The following AUTS2 variants were observed in gnomAD, a reference collection of about 807,000 sequenced individuals.
AUTS2 encodes activator of transcription and developmental regulator AUTS2, also known as autism susceptibility gene 2 protein.
A neutral mutation model predicts 112.4 loss-of-function variants in AUTS2; 17 were observed. The ratio of observed to expected loss-of-function variants is 0.15; its 90% CI spans 0.10 to 0.23. The LOEUF (loss-of-function observed/expected upper bound fraction) is 0.23, where lower values mean the gene tolerates loss of function less well. AUTS2 is among the 10% of genes least tolerant of loss of function. The probability of loss-of-function intolerance (pLI) is 1.00; values close to 1 mark genes in which losing one functional copy is unlikely to be tolerated. For missense variants in AUTS2, 1,510 were observed against 1,701.6 expected (o/e 0.89, Z 1.98); for synonymous variants, 751 against 702.7 (o/e 1.07, Z -1.09).
At chr7:70,320,924 A>C (rs1413077961) in intron 4 of AUTS2, among the ~76,000 whole-genome samples, 1 of 152,130 alleles carries the variant, frequency 6.6e-6, no homozygotes, top group Non-Finnish European at 1.5e-5. Context: ...CAGGGATAGG[A>C]TGACAAGGAC....
intron 6 of AUTS2, among the ~76,000 whole-genome samples, chr7:70,733,597 G>GT (rs914823716): frequency 7.6e-6 from 1 of 130,972 alleles, no homozygotes; most frequent in African/African-American, 3.0e-5. Flanking sequence ...AGTTTTTTGG[G>GT]TTTTTTTGAG....
intron 5 of AUTS2, among the ~76,000 whole-genome samples, chr7:70,465,311 T>C (rs766343870): frequency 4.6e-5 from 7 of 152,182 alleles, no homozygotes; most frequent in Non-Finnish European, 7.3e-5. Flanking sequence ...TTCAGGCTGC[T>C]CACAACTGCC....
chr7:70,107,663 G>T (rs1478254045), intron 2 of AUTS2, among the ~76,000 whole-genome samples: 4 of 150,168 alleles, frequency 2.7e-5, no homozygotes, highest in Admixed American at 6.6e-5. Flanking sequence ...TTTATAACAG[G>T]GATATGTTAT....
chr7:70,382,507 T>C (rs942360719), intron 4 of AUTS2, among the ~76,000 whole-genome samples: 4 of 152,176 alleles, frequency 2.6e-5, no homozygotes, highest in African/African-American at 7.2e-5. Context: ...CAGTAAAGAC[T>C]ATTGAAAGCA....
At chr7:70,399,109 C>T (rs913074579) in intron 4 of AUTS2, among the ~76,000 whole-genome samples, 2 of 151,456 alleles carry the variant, frequency 1.3e-5, no homozygotes, top group African/African-American at 4.9e-5. Flanking sequence ...ACCTCAGCCT[C>T]TCAAATAGTT....
intron 4 of AUTS2, among the ~76,000 whole-genome samples, chr7:70,196,023 G>A (rs553719184): frequency 4.9e-4 from 74 of 152,302 alleles, no homozygotes; most frequent in African/African-American, 1.8e-3. Context: ...CAGGTATTGG[G>A]CAGTAATGAA....
chr7:69,756,030 C>G (rs1466573660), intron 1 of AUTS2, among the ~76,000 whole-genome samples: 1 of 152,168 alleles, frequency 6.6e-6, no homozygotes, highest in African/African-American at 2.4e-5. Context: ...GCTTTCTCAC[C>G]AGAGGTCACA....
In AUTS2 at chr7:70,761,126, G is replaced by A. The variant is rs138589830; in HGVS notation, c.743-1744G>A. On this transcript the variant is annotated intron_variant, in intron 6 of 18. Coordinates refer to ENST00000342771, the MANE Select transcript of AUTS2 (RefSeq NM_015570.4). ...TTCCAAGGAATAATGGCAAACAAGT[G>A]TGTATATACAACAGTACGTAAACAG... Among the ~76,000 whole-genome samples, 5 of 152,342 alleles carry A rather than the reference G, an allele frequency of 3.3e-5. No individual in the cohort carries two copies. In the East Asian group the frequency reaches 7.7e-4, roughly 23 times the overall value.
chr7:70,582,108 G>A (rs1412740445), intron 5 of AUTS2, among the ~76,000 whole-genome samples: 1 of 151,212 alleles, frequency 6.6e-6, no homozygotes, highest in African/African-American at 2.4e-5. Flanking sequence ...TGGTAGTAGA[G>A]GTAATGAGTT....
At chr7:70,157,341 T>C (rs1807835772) in intron 4 of AUTS2, among the ~76,000 whole-genome samples, 1 of 152,080 alleles carries the variant, frequency 6.6e-6, no homozygotes, top group African/African-American at 2.4e-5. Context: ...TGCAGTGGTG[T>C]AATCTTGGCT....
chr7:70,010,069 T>A (rs1799725793), intron 2 of AUTS2, among the ~76,000 whole-genome samples: 1 of 152,234 alleles, frequency 6.6e-6, no homozygotes, highest in Non-Finnish European at 1.5e-5. Context: ...TCCCAAGTTA[T>A]ATGATGCTTA....
chr7:70,273,388 A>G (rs928057179), intron 4 of AUTS2, among the ~76,000 whole-genome samples: 38 of 151,898 alleles, frequency 2.5e-4, no homozygotes, highest in African/African-American at 8.2e-4. Context: ...TGGGACCACA[A>G]TAATTTTTTT....
intron 13 of AUTS2, among the ~76,000 whole-genome samples, chr7:70,776,328 G>T (rs1284804534): frequency 6.6e-6 from 1 of 152,134 alleles, no homozygotes; most frequent in East Asian, 1.9e-4. Context: ...GTCCCTGCCC[G>T]CTGACTGGTA....
intron 5 of AUTS2, among the ~76,000 whole-genome samples, chr7:70,537,214 C>T (rs1800360265): frequency 6.6e-6 from 1 of 152,224 alleles, no homozygotes; most frequent in African/African-American, 2.4e-5. Flanking sequence ...GAGGTCTGTA[C>T]ATAGTAGATC....
intron 4 of AUTS2, chr7:70,290,691 C>T: frequency 7.5e-7 from 1 of 1,325,474 alleles, no homozygotes; most frequent in Non-Finnish European, 9.6e-7. Context: ...ATTCAGGTAT[C>T]AGATCCTTTG....
intron 2 of AUTS2, among the ~76,000 whole-genome samples, chr7:70,112,167 A>G (rs1351749263): frequency 1.3e-5 from 2 of 151,800 alleles, no homozygotes; most frequent in East Asian, 1.9e-4. Flanking sequence ...TAAAATTTAT[A>G]TATTTATAAT....
chr7:70,789,685 C>G, intron 18 of AUTS2, 63 bp from the exon 19 acceptor site: 1 of 1,550,974 alleles, frequency 6.4e-7, no homozygotes. Flanking sequence ...CCCGCAGCCC[C>G]TGGCCCGGCC....
intron 2 of AUTS2, among the ~76,000 whole-genome samples, chr7:69,930,733 A>G (rs1248725716): frequency 1.3e-5 from 2 of 152,076 alleles, no homozygotes; most frequent in Non-Finnish European, 2.9e-5. Context: ...TTTTGACCCA[A>G]TGCCTTGTTC....
chr7:69,654,979 G>A (rs1584016505), intron 1 of AUTS2, among the ~76,000 whole-genome samples: 1 of 152,120 alleles, frequency 6.6e-6, no homozygotes, highest in East Asian at 1.9e-4. Context: ...TTGTGTTTCT[G>A]TGGTTAATTT....
Sources: allele counts gnomAD v4.1 joint callset (sites outside exome capture counted in the v4.1 genomes callset), GRCh38; gene constraint gnomAD v4.1.1; transcripts MANE v1.5; gene names NCBI Gene and HGNC (gene_info 2026-07-23, HGNC 2026-07-21).